RAI1: variants seen among roughly 807,000 people sequenced by gnomAD.
RAI1 encodes the protein retinoic acid induced 1.
Under a neutral mutation model 123.8 loss-of-function variants are expected in RAI1, and 9 were observed. The observed-to-expected ratio is 0.07, with a 90% confidence interval of 0.04 to 0.13. RAI1 has a LOEUF of 0.13. Among genes scored for constraint, RAI1 ranks in the 10% least tolerant of loss-of-function variants. RAI1 has a pLI of 1.00. For missense variants in RAI1, 2,256 were observed against 2,545.8 expected, an observed-to-expected ratio of 0.89 and a Z score of 2.45; for synonymous variants, 1,231 against 1,127.3, an observed-to-expected ratio of 1.09 and a Z score of -1.84.
intron 2 of RAI1, among the ~76,000 whole-genome samples, chr17:17,765,448 C>T (rs543239700): frequency 5.9e-5 from 9 of 152,238 alleles, no homozygotes; most frequent in Non-Finnish European, 1.2e-4. Flanking sequence ...CTGTATTGTA[C>T]ACACAAGATG....
chr17:17,782,853 C>CT (rs1180350032), intron 2 of RAI1, among the ~76,000 whole-genome samples: 1 of 152,196 alleles, frequency 6.6e-6, no homozygotes, highest in Admixed American at 6.5e-5. Context: ...CTCTCGGCCT[C>CT]TGTCCTTCGC....
At chr17:17,784,537 G>T (rs2031752008) in intron 2 of RAI1, among the ~76,000 whole-genome samples, 1 of 152,238 alleles carries the variant, frequency 6.6e-6, no homozygotes, top group South Asian at 2.1e-4. Context: ...ATGAGGGGGA[G>T]ATTTGACCTA....
intron 4 of RAI1, among the ~76,000 whole-genome samples, chr17:17,808,384 T>A (rs1206002962): frequency 3.0e-5 from 4 of 135,510 alleles, no homozygotes; most frequent in African/African-American, 6.1e-5. Context: ...ATATTTTATT[T>A]TATTATTTTA....
Position 17,792,997 on chromosome 17 carries a change from T to C in RAI1, c.49T>C (p.Tyr17His). Residue 17 changes from tyrosine to histidine, a missense_variant, in exon 3 of 6, where the codon TAC (tyrosine) becomes CAC (histidine). By Grantham distance (83) the Tyr-to-His change is moderately conservative. This residue lies in a region of RAI1 where 336 missense variants were observed against 349.8 expected (regional missense o/e 0.96). Coordinates refer to ENST00000353383, the MANE Select transcript of RAI1 (RefSeq NM_030665.4). Reference sequence around the variant, plus strand: ...TGGTTTCCATGGCAAACAACAGAACTACCAGCAGACCTCGCAGGAAACATC... The same window carrying C: ...TGGTTTCCATGGCAAACAACAGAACCACCAGCAGACCTCGCAGGAAACATC... Reference protein sequence around the residue: ...RCGFHGKQQNYQQTSQETSRL... With the variant: ...RCGFHGKQQNHQQTSQETSRL... The C allele has an allele frequency of 6.4e-7, 1 of 1,567,766 alleles. No individual in the cohort carries two copies. The highest frequency in any genetic ancestry group is 8.7e-7 in the Non-Finnish European group (1 of 1,150,360).
intron 2 of RAI1, among the ~76,000 whole-genome samples, chr17:17,762,896 T>A (rs2030764080): frequency 6.6e-6 from 1 of 151,772 alleles, no homozygotes; most frequent in Admixed American, 6.6e-5. Flanking sequence ...GAGGCTCCCA[T>A]GGGGGCTGGC....
intron 2 of RAI1, among the ~76,000 whole-genome samples, chr17:17,783,819 C>T (rs2031717754): frequency 6.6e-6 from 1 of 152,132 alleles, no homozygotes; most frequent in Non-Finnish European, 1.5e-5. Context: ...AGTCGCAGAC[C>T]CTAATTGTCA....
chr17:17,785,685 G>A (rs1389863354), intron 2 of RAI1, among the ~76,000 whole-genome samples: 1 of 152,232 alleles, frequency 6.6e-6, no homozygotes. Context: ...TCCTTTCCAA[G>A]GCCGCTGAGT....
intron 2 of RAI1, among the ~76,000 whole-genome samples, chr17:17,727,563 G>A (rs1434896632): frequency 1.3e-5 from 2 of 152,146 alleles, no homozygotes; most frequent in Non-Finnish European, 2.9e-5. Flanking sequence ...CCTGTTGCCC[G>A]CCCCACCTGC....
rs547452350 is a variant in RAI1, at chr17:17,752,484, C to G, written c.-17+28325C>G. On this transcript the variant is annotated intron_variant, in intron 2 of 5. Coordinates refer to ENST00000353383, the MANE Select transcript of RAI1 (RefSeq NM_030665.4). ...AAAGGGGCGGGGCTTCCGGAACAGC[C>G]GCCCCGGGAGCCTGGGATAGGGGTG... 2.6e-5 allele frequency among the ~76,000 whole-genome samples: 4 copies of G among 152,300 alleles called. No homozygotes were observed. The East Asian group carries it at 7.7e-4, about 29-fold the overall frequency.
intron 1 of RAI1, among the ~76,000 whole-genome samples, chr17:17,717,899 C>T (rs1023801164): frequency 3.3e-5 from 5 of 152,170 alleles, no homozygotes; most frequent in Admixed American, 6.5e-5. Context: ...GGCTTAGACT[C>T]GGATTCTGCC....
At chr17:17,806,344 C>T (rs2032592490) in intron 4 of RAI1, among the ~76,000 whole-genome samples, 1 of 152,182 alleles carries the variant, frequency 6.6e-6, no homozygotes, top group Non-Finnish European at 1.5e-5. Context: ...TAACAGGGAT[C>T]CCTGTAGCAC....
intron 1 of RAI1, among the ~76,000 whole-genome samples, chr17:17,693,089 C>T (rs1455560877): frequency 6.6e-6 from 1 of 152,222 alleles, no homozygotes; most frequent in Non-Finnish European, 1.5e-5. Flanking sequence ...GCCATGGGTG[C>T]GCACATCTGC....
At chr17:17,696,493 C>T (rs908460862) in intron 1 of RAI1, among the ~76,000 whole-genome samples, 6 of 152,184 alleles carry the variant, frequency 3.9e-5, no homozygotes, top group African/African-American at 1.4e-4. Flanking sequence ...AGTTGATATT[C>T]CGCTTTTCTT....
Position 17,793,835 on chromosome 17 carries a change from G to C in RAI1, c.887G>C (p.Arg296Pro). 2 of 1,612,842 alleles carry C rather than the reference G, an allele frequency of 1.2e-6. No individual in the cohort carries two copies. Among genetic ancestry groups the C allele is most frequent in the Non-Finnish European group, 1.7e-6 (2 of 1,179,792 alleles). Residue 296 changes from arginine (R) to proline (P), a missense_variant, in exon 3 of 6, where the codon CGG (arginine) becomes CCG (proline). Transcript: ENST00000353383. ...QQQQQQALQS[R>P]HHAQETLHYQ... ...CAGCAGCAGCAAGCCCTTCAGAGCCGGCACCATGCCCAGGAAACCCTCCAT... is the reference window on the plus strand; with the variant it reads ...CAGCAGCAGCAAGCCCTTCAGAGCCCGCACCATGCCCAGGAAACCCTCCAT...
At chr17:17,779,802 A>G (rs1598074793) in intron 2 of RAI1, among the ~76,000 whole-genome samples, 1 of 127,084 alleles carries the variant, frequency 7.9e-6, no homozygotes. Context: ...TAATAGACGG[A>G]GTCTCGCCCT....
At chr17:17,765,298 A>G (rs765864521) in intron 2 of RAI1, among the ~76,000 whole-genome samples, 18 of 152,230 alleles carry the variant, frequency 1.2e-4, no homozygotes, top group Non-Finnish European at 1.6e-4. Context: ...AGAAGCCTCT[A>G]CTGGACACAC....
intron 1 of RAI1, among the ~76,000 whole-genome samples, chr17:17,698,447 C>T (rs1278362589): frequency 3.9e-5 from 6 of 152,220 alleles, no homozygotes; most frequent in South Asian, 4.1e-4. Flanking sequence ...GTCAGGAAAG[C>T]GGCAGACAAC....
In RAI1 at chr17:17,793,821, A is replaced by AG; in HGVS notation, c.874dup (p.Ala292GlyfsTer97). ...AGCAGCAGCAGCAGCAGCAGCAGCA[A>AG]GCCCTTCAGAGCCGGCACCATGCCC... is the stretch of plus-strand genomic sequence containing the variant. On this transcript the variant is annotated frameshift_variant, in exon 3 of 6. Coordinates refer to ENST00000353383, the MANE Select transcript of RAI1 (RefSeq NM_030665.4). LOFTEE classifies it high-confidence loss of function. The AG allele has an allele frequency of 1.2e-6, 2 of 1,606,182 alleles. No homozygotes were observed. The highest frequency in any genetic ancestry group is 1.7e-6 in the Non-Finnish European group (2 of 1,175,862).
intron 1 of RAI1, among the ~76,000 whole-genome samples, chr17:17,696,114 A>G (rs1567827158): frequency 6.6e-6 from 1 of 152,224 alleles, no homozygotes; most frequent in East Asian, 1.9e-4. Flanking sequence ...TGTTGGTTGT[A>G]GAGATATCCA....
Sources: gnomAD v4.1 joint callset for allele counts (sites outside exome capture counted in the v4.1 genomes callset) on GRCh38, gnomAD v4.1.1 for gene constraint, gnomAD v4.1.1 regional missense constraint, MANE v1.5 for transcripts, NCBI Gene and HGNC (gene_info 2026-07-23, HGNC 2026-07-21) for gene names.